ARB2A: variants seen among roughly 807,000 people sequenced by gnomAD.
The protein encoded by ARB2A is cotranscriptional regulator ARB2A.
At chr5:93,851,656 A>C in the ARB2A span, among the ~76,000 whole-genome samples, 1 of 151,894 alleles carries the variant, frequency 6.6e-6, no homozygotes, top group African/African-American at 2.4e-5. Flanking sequence ...TCCTGTGTCC[A>C]TGTGTTCTCA....
chr5:93,886,405 A>G, the ARB2A span, among the ~76,000 whole-genome samples: 1 of 151,814 alleles, frequency 6.6e-6, no homozygotes, highest in South Asian at 2.1e-4. Context: ...ATATTTCTCA[A>G]GTTCAGCATT....
the ARB2A span, among the ~76,000 whole-genome samples, chr5:93,993,262 G>C: frequency 1.3e-5 from 2 of 151,964 alleles, no homozygotes; most frequent in Admixed American, 1.3e-4. Context: ...TTCACCAGCT[G>C]GTACCATTTG....
At chr5:93,695,191 G>A in the ARB2A span, among the ~76,000 whole-genome samples, 2 of 152,138 alleles carry the variant, frequency 1.3e-5, no homozygotes, top group South Asian at 4.2e-4. Context: ...TGACAAATGG[G>A]ATCTAATTAA....
the ARB2A span, among the ~76,000 whole-genome samples, chr5:93,728,828 A>G: frequency 6.6e-6 from 1 of 152,140 alleles, no homozygotes; most frequent in East Asian, 1.9e-4. Context: ...TCATTAACAA[A>G]CGTACTACAA....
chr5:93,996,730 T>C, the ARB2A span, among the ~76,000 whole-genome samples: 1 of 152,070 alleles, frequency 6.6e-6, no homozygotes, highest in Non-Finnish European at 1.5e-5. Flanking sequence ...TTGAAAATGT[T>C]CCTCATTTAC....
the ARB2A span, among the ~76,000 whole-genome samples, chr5:93,640,972 C>T: frequency 3.3e-5 from 5 of 151,984 alleles, no homozygotes; most frequent in South Asian, 4.2e-4. Context: ...CAGGCTGAGG[C>T]GGGTGGATCA....
At chr5:93,927,525 C>T in the ARB2A span, among the ~76,000 whole-genome samples, 7 of 152,146 alleles carry the variant, frequency 4.6e-5, no homozygotes, top group Admixed American at 1.3e-4. Context: ...GTGAGGCTTG[C>T]TTATAGGTCT....
chr5:93,782,576 G>T, the ARB2A span, among the ~76,000 whole-genome samples: 40 of 152,182 alleles, frequency 2.6e-4, 1 homozygote, highest in South Asian at 7.9e-3. Context: ...AACAAAAGAT[G>T]AATACAGTTT....
chr5:93,943,091 C>T, the ARB2A span, among the ~76,000 whole-genome samples: 2 of 151,970 alleles, frequency 1.3e-5, no homozygotes, highest in African/African-American at 4.8e-5. Context: ...TATGAGCATC[C>T]CTATGTATAC....
the ARB2A span, among the ~76,000 whole-genome samples, chr5:93,760,984 A>G: frequency 3.8e-3 from 581 of 152,318 alleles, 1 homozygote; most frequent in Non-Finnish European, 6.5e-3. Flanking sequence ...GTGGGATAAA[A>G]TCTTCACAAT....
the ARB2A span, among the ~76,000 whole-genome samples, chr5:93,628,957 A>C: frequency 6.6e-6 from 1 of 152,174 alleles, no homozygotes; most frequent in African/African-American, 2.4e-5. Context: ...CATTGCATTC[A>C]CAACTTGGCT....
chr5:93,664,662 A>T, the ARB2A span, among the ~76,000 whole-genome samples: 23 of 149,198 alleles, frequency 1.5e-4, no homozygotes, highest in Non-Finnish European at 2.4e-4. Flanking sequence ...TAATAATAAT[A>T]ATATGTCTTA....
At chr5:93,943,472 C>T in the ARB2A span, among the ~76,000 whole-genome samples, 1 of 152,118 alleles carries the variant, frequency 6.6e-6, no homozygotes, top group South Asian at 2.1e-4. Context: ...CCATACTCCA[C>T]ACTCTGTTTA....
At chr5:93,979,172 T>C in the ARB2A span, among the ~76,000 whole-genome samples, 1 of 152,154 alleles carries the variant, frequency 6.6e-6, no homozygotes, top group African/African-American at 2.4e-5. Context: ...TTACAGCTTT[T>C]TAAAAACCAG....
chr5:93,743,597 T>C, the ARB2A span: 1 of 979,848 alleles, frequency 1.0e-6, no homozygotes, highest in Non-Finnish European at 1.2e-6. Flanking sequence ...GAAAGCTGGA[T>C]CACAAAGAGG....
the ARB2A span, among the ~76,000 whole-genome samples, chr5:93,871,604 C>T: frequency 2.0e-5 from 3 of 152,058 alleles, no homozygotes; most frequent in Non-Finnish European, 2.9e-5. Flanking sequence ...AATATAGAAG[C>T]AAGTATAAGA....
chr5:93,754,860 T>A, the ARB2A span, among the ~76,000 whole-genome samples: 2 of 152,342 alleles, frequency 1.3e-5, no homozygotes, highest in East Asian at 3.9e-4. Context: ...TTTAATTTCT[T>A]CACTACATTT....
the ARB2A span, among the ~76,000 whole-genome samples, chr5:93,880,029 C>A: frequency 1.3e-5 from 2 of 151,810 alleles, no homozygotes; most frequent in Admixed American, 1.3e-4. Context: ...AACATCATGA[C>A]CCCGATGTAA....
the ARB2A span, among the ~76,000 whole-genome samples, chr5:94,034,805 C>T: frequency 6.6e-6 from 1 of 152,176 alleles, no homozygotes; most frequent in African/African-American, 2.4e-5. Flanking sequence ...CTGTTAGGAA[C>T]CGGGCTGCAC....
Sources: gnomAD v4.1 joint callset for allele counts (sites outside exome capture counted in the v4.1 genomes callset) on GRCh38, gnomAD v4.1.1 for gene constraint, MANE v1.5 for transcripts, NCBI Gene and HGNC (gene_info 2026-07-23, HGNC 2026-07-21) for gene names.